The following TRMT9B variants were observed in gnomAD, a reference collection of about 807,000 sequenced individuals.
TRMT9B encodes tRNA methyltransferase 9B (putative).
TRMT9B carries 16 observed loss-of-function variants against 11.5 expected under a neutral mutation model. The ratio of observed to expected loss-of-function variants is 1.39; its 90% CI spans 0.94 to 2.11. TRMT9B has a LOEUF of 2.11. Ranked by LOEUF, TRMT9B falls within the 30% of genes most tolerant of loss-of-function variation. The pLI, the probability that TRMT9B is intolerant of heterozygous loss-of-function variation, is 0.00. For synonymous variants in TRMT9B, 274 were observed against 192.4 expected (o/e 1.42, Z -3.51); for missense variants, 941 against 553.8 (o/e 1.70, Z -7.02).
chr8:13,011,419 G>C, intron 3 of TRMT9B: 2 of 985,400 alleles, frequency 2.0e-6, no homozygotes, highest in Non-Finnish European at 2.4e-6. Flanking sequence ...ATGTATTTCA[G>C]AAGCAGCAAA....
chr8:12,955,391 G>A lies in TRMT9B; in HGVS notation c.-200+9425G>A, dbSNP rs547963426. Among the ~76,000 whole-genome samples, 247 of 152,176 alleles carry A rather than the reference G, an allele frequency of 1.6e-3. 3 individuals carry two copies. Among genetic ancestry groups the A allele is most frequent in the African/African-American group, 5.3e-3 (222 of 41,516 alleles). ...TGTATGGTCCTCTTCACACATATGC[G>A]TGTTTTTATTCTCTTTGCCTTTCCC... On this transcript the variant is annotated intron_variant, in intron 1 of 4. Coordinates refer to ENST00000524591, the MANE Select transcript of TRMT9B (RefSeq NM_020844.3).
At chr8:12,981,721 T>C (rs1340261752) in intron 1 of TRMT9B, among the ~76,000 whole-genome samples, 1 of 152,034 alleles carries the variant, frequency 6.6e-6, no homozygotes, top group Non-Finnish European at 1.5e-5. Context: ...AGCCTCAGTC[T>C]CCTGAGTAGC....
chr8:12,950,530 C>T (rs1035003756), intron 1 of TRMT9B, among the ~76,000 whole-genome samples: 5 of 118,046 alleles, frequency 4.2e-5, no homozygotes, highest in Non-Finnish European at 1.0e-4. Flanking sequence ...AAACCAGACT[C>T]GTGGTTTTTT....
At chr8:13,014,678 T>C (rs58525615) in intron 4 of TRMT9B, among the ~76,000 whole-genome samples, 11,838 of 152,222 alleles carry the variant, frequency 0.078, 686 homozygotes, top group African/African-American at 0.16. Flanking sequence ...AGAAAACCTT[T>C]TTGAATTAAG....
chr8:12,979,101 C>A (rs1486384725), intron 1 of TRMT9B, among the ~76,000 whole-genome samples: 1 of 152,134 alleles, frequency 6.6e-6, no homozygotes, highest in African/African-American at 2.4e-5. Flanking sequence ...GGGCTGAGCT[C>A]TCTCCCTCTT....
chr8:13,005,139 C>T (rs555900090), intron 2 of TRMT9B, among the ~76,000 whole-genome samples: 1 of 149,714 alleles, frequency 6.7e-6, no homozygotes, highest in East Asian at 1.9e-4. Context: ...TTCGCAATAA[C>T]ATGGATGGAT....
Position 13,021,563 on chromosome 8 carries a change from A to G in TRMT9B, c.884A>G (p.Asp295Gly), listed in dbSNP as rs1196482297. 1 of 1,613,802 alleles carries G rather than the reference A, an allele frequency of 6.2e-7. No individual in the cohort carries two copies. The highest frequency in any genetic ancestry group is 1.3e-5 in the African/African-American group (1 of 74,892). Residue 295 changes from aspartate (D) to glycine (G), a missense_variant, in exon 5 of 5, where the codon GAT becomes GGT. By Grantham distance (94) the Asp-to-Gly change is moderately conservative. Coordinates refer to ENST00000524591, the MANE Select transcript of TRMT9B (RefSeq NM_020844.3). ...TCCAGACACTCTAGTTTAGACTTTGATCACCAAGAGCCATTTTCAACAAAA... is the reference window on the plus strand; with the variant it reads ...TCCAGACACTCTAGTTTAGACTTTGGTCACCAAGAGCCATTTTCAACAAAA... ...QPSRHSSLDF[D>G]HQEPFSTKGQ...
intron 4 of TRMT9B, among the ~76,000 whole-genome samples, chr8:13,016,470 T>C (rs1032970469): frequency 2.7e-5 from 4 of 150,422 alleles, no homozygotes; most frequent in African/African-American, 9.7e-5. Context: ...CCTATATATT[T>C]ACTTCTCTAT....
In TRMT9B at chr8:13,006,293, G is replaced by C; in HGVS notation, c.91G>C (p.Ala31Pro). 1 of 1,613,954 alleles carries C rather than the reference G, an allele frequency of 6.2e-7. No homozygotes were observed. The highest frequency in any genetic ancestry group is 1.7e-4 in the Middle Eastern group (1 of 6,002). The change falls in exon 3 of 5, where the codon GCC becomes CCC. Residue 31 changes from alanine (A) to proline (P), a missense_variant. Ala to Pro is a conservative substitution (Grantham distance 27). Transcript: ENST00000524591. ...APYFSDLQSK[A>P]WPRVRQFLQE... ...TTACTTCAGCGACCTGCAGAGCAAA[G>C]CCTGGCCTCGTGTCCGCCAGTTCCT...
intron 3 of TRMT9B, chr8:13,010,601 A>G (rs1266584626): frequency 1.0e-6 from 1 of 985,252 alleles, no homozygotes; most frequent in African/African-American, 1.7e-5. Context: ...GAAGCATGTC[A>G]GGAGAAAAGA....
chr8:13,008,164 A>G (rs1217785637), intron 3 of TRMT9B, among the ~76,000 whole-genome samples: 1 of 152,196 alleles, frequency 6.6e-6, no homozygotes, highest in African/African-American at 2.4e-5. Flanking sequence ...TTTACTATAT[A>G]TCATTATTTC....
chr8:12,999,384 G>A lies in TRMT9B; in HGVS notation c.-1-6818G>A, dbSNP rs1047067637. 2.0e-5 allele frequency among the ~76,000 whole-genome samples: 3 copies of A among 151,656 alleles called. No individual in the cohort carries two copies. The East Asian group carries it at 5.8e-4, about 29-fold the overall frequency. ...TGGGAGGGGTGATTTATTGGGGGAA[G>A]GATATGGTCATTATCTTGAGTGTCT... On this transcript the variant is annotated intron_variant, in intron 2 of 4. Coordinates refer to ENST00000524591, the MANE Select transcript of TRMT9B (RefSeq NM_020844.3).
chr8:12,971,720 G>C (rs1476587091), intron 1 of TRMT9B, among the ~76,000 whole-genome samples: 4 of 152,000 alleles, frequency 2.6e-5, no homozygotes, highest in African/African-American at 9.7e-5. Flanking sequence ...TTCAGAAAAA[G>C]AGAGTTCAGC....
chr8:13,003,607 G>A (rs1205144321), intron 2 of TRMT9B, among the ~76,000 whole-genome samples: 1 of 152,108 alleles, frequency 6.6e-6, no homozygotes. Flanking sequence ...TAACCCTTAA[G>A]AGGTCTGGTG....
At chr8:13,008,820 C>T (rs529584891) in intron 3 of TRMT9B, among the ~76,000 whole-genome samples, 120 of 152,296 alleles carry the variant, frequency 7.9e-4, no homozygotes, top group Non-Finnish European at 1.3e-3. Context: ...GCTCCGCCTC[C>T]CGGGTTCACG....
At chr8:12,996,461 C>T (rs1303967029) in intron 2 of TRMT9B, among the ~76,000 whole-genome samples, 1 of 152,182 alleles carries the variant, frequency 6.6e-6, no homozygotes, top group Non-Finnish European at 1.5e-5. Flanking sequence ...AAAACTCTCT[C>T]AGCACTTTCT....
At position 13,021,836 on chromosome 8, in the gene TRMT9B, A is replaced by G. The variant is rs1464161655; in HGVS notation, c.1157A>G (p.Asp386Gly). ...LRRISAVDST[D>G]FNPDDTMSVE... Reference sequence around the variant, plus strand: ...AGGATTTCTGCAGTTGATTCCACAGATTTCAACCCAGATGATACAATGTCT... The same window carrying G: ...AGGATTTCTGCAGTTGATTCCACAGGTTTCAACCCAGATGATACAATGTCT... The change falls in exon 5 of 5, where the codon GAT becomes GGT. Residue 386 changes from aspartate to glycine, a missense_variant. Coordinates refer to ENST00000524591, the MANE Select transcript of TRMT9B (RefSeq NM_020844.3). The G allele has an allele frequency of 6.2e-7, 1 of 1,613,734 alleles. No individual in the cohort carries two copies. Among genetic ancestry groups the G allele is most frequent in the Non-Finnish European group, 8.5e-7 (1 of 1,179,746 alleles).
At chr8:13,006,751 C>T (rs1563412187) in intron 3 of TRMT9B, 2 of 829,684 alleles carry the variant, frequency 2.4e-6, no homozygotes, top group Non-Finnish European at 3.2e-6. Context: ...TTGCTGCAAA[C>T]TCCGCCTCCC....
chr8:12,949,674 G>T (rs1451506506), intron 1 of TRMT9B, among the ~76,000 whole-genome samples: 1 of 152,124 alleles, frequency 6.6e-6, no homozygotes, highest in Non-Finnish European at 1.5e-5. Flanking sequence ...AGCCGTCAGT[G>T]AACTTTCAGA....
Sources: allele counts gnomAD v4.1 joint callset (sites outside exome capture counted in the v4.1 genomes callset), GRCh38; gene constraint gnomAD v4.1.1; transcripts MANE v1.5; gene names NCBI Gene and HGNC (gene_info 2026-07-23, HGNC 2026-07-21).